Variants in P2RX3 observed in about 807,000 individuals in gnomAD.
P2RX3 encodes the protein P2X purinoceptor 3.
P2RX3 carries 41 observed loss-of-function variants against 51.5 expected under a neutral mutation model. The ratio of observed to expected loss-of-function variants is 0.80; its 90% CI spans 0.62 to 1.03. The LOEUF is 1.03. P2RX3 is among the 50% of genes least tolerant of loss of function. The probability of loss-of-function intolerance (pLI) is 0.00; values close to 1 mark genes in which losing one functional copy is unlikely to be tolerated. For missense variants in P2RX3, 459 were observed against 522.1 expected (o/e 0.88, Z 1.18); for synonymous variants, 185 against 191.6 (o/e 0.97, Z 0.29).
chr11:57,338,287 C>A, upstream of P2RX3: 1 of 290,178 alleles, frequency 3.4e-6, no homozygotes, highest in Non-Finnish European at 6.5e-6. Context: ...GACCCCACCC[C>A]TGCTGTGACA....
intron 4 of P2RX3, 42 bp downstream of exon 4, chr11:57,347,520 G>A: frequency 1.3e-6 from 2 of 1,544,958 alleles, no homozygotes; most frequent in South Asian, 1.2e-5. Context: ...CCAAGTGTTA[G>A]TGGGACCCAT....
At chr11:57,351,037 AAGGACTCTCTAACAGCCATT>A in intron 8 of P2RX3, 139 bp downstream of exon 8, 1 of 1,254,580 alleles carries the variant, frequency 8.0e-7, no homozygotes, top group Non-Finnish European at 1.1e-6. Context: ...TCAAATCAGG[AAGGACTCTCTAACAGCCATT>A]AGGATCTAGC....
At chr11:57,360,278 T>C (rs1166343258) in intron 8 of P2RX3, among the ~76,000 whole-genome samples, 2 of 152,212 alleles carry the variant, frequency 1.3e-5, no homozygotes, top group African/African-American at 4.8e-5. Flanking sequence ...TCTAACTGTG[T>C]TCTGCTGGGG....
chr11:57,342,263 G>A (rs1460996342), intron 1 of P2RX3, among the ~76,000 whole-genome samples: 1 of 146,548 alleles, frequency 6.8e-6, no homozygotes, highest in African/African-American at 2.5e-5. Context: ...GGGTTGAAGC[G>A]ACTCTCCTGC....
chr11:57,337,350 G>GAAAAAAAAAAAAAA (rs11339711), upstream of P2RX3, among the ~76,000 whole-genome samples: 11 of 73,488 alleles, frequency 1.5e-4, no homozygotes, highest in African/African-American at 4.1e-4. Flanking sequence ...AGGAAAGAAA[G>GAAAAAAAAAAAAAA]AAAAAAAAAA....
At chr11:57,358,826 C>T (rs1051493225) in intron 8 of P2RX3, among the ~76,000 whole-genome samples, 2 of 152,178 alleles carry the variant, frequency 1.3e-5, no homozygotes, top group South Asian at 2.1e-4. Flanking sequence ...TGGTAATTGA[C>T]GTTTGTACTT....
chr11:57,347,619 A>G, intron 4 of P2RX3, 141 bp downstream of exon 4: 1 of 931,744 alleles, frequency 1.1e-6, no homozygotes. Context: ...TGGGTGCCAC[A>G]CCCAGTGGGT....
chr11:57,360,799 AAAAAAAAG>A (rs1469003304), intron 8 of P2RX3, among the ~76,000 whole-genome samples: 1 of 151,066 alleles, frequency 6.6e-6, no homozygotes, highest in African/African-American at 2.4e-5. Context: ...CTGTCTCAAA[AAAAAAAAG>A]AAAAAAAGAA....
intron 8 of P2RX3, among the ~76,000 whole-genome samples, chr11:57,367,469 C>T (rs2134450008): frequency 6.6e-6 from 1 of 152,256 alleles, no homozygotes; most frequent in South Asian, 2.1e-4. Context: ...CCCTATAATC[C>T]CAGCACTTTT....
chr11:57,356,880 C>T (rs185160967), intron 8 of P2RX3, among the ~76,000 whole-genome samples: 240 of 152,246 alleles, frequency 1.6e-3, no homozygotes, highest in African/African-American at 5.5e-3. Context: ...TTAGATAGCC[C>T]TTTATCATGT....
At chr11:57,356,526 C>T (rs180943374) in intron 8 of P2RX3, among the ~76,000 whole-genome samples, 1 of 152,178 alleles carries the variant, frequency 6.6e-6, no homozygotes, top group Non-Finnish European at 1.5e-5. Context: ...TTCTAGTGAT[C>T]GTTTTATGTT....
At chr11:57,339,733 C>T (rs1203245072) in intron 1 of P2RX3, among the ~76,000 whole-genome samples, 1 of 152,224 alleles carries the variant, frequency 6.6e-6, no homozygotes, top group East Asian at 1.9e-4. Context: ...CAGCAATCCA[C>T]TGACTGTCAG....
intron 8 of P2RX3, among the ~76,000 whole-genome samples, chr11:57,365,563 A>G (rs201473923): frequency 1.3e-5 from 2 of 152,194 alleles, no homozygotes; most frequent in East Asian, 3.9e-4. Flanking sequence ...GCTGTGGAGG[A>G]GCAGACAGAA....
chr11:57,350,539 C>T, intron 7 of P2RX3: 1 of 528,988 alleles, frequency 1.9e-6, no homozygotes, highest in Non-Finnish European at 3.3e-6. Context: ...GCCTCGGCCT[C>T]CCAAAGTGCT....
chr11:57,363,688 AC>A (rs1856754533), intron 8 of P2RX3, among the ~76,000 whole-genome samples: 1 of 152,130 alleles, frequency 6.6e-6, no homozygotes, highest in African/African-American at 2.4e-5. Flanking sequence ...AGATAACCAG[AC>A]CCTGGTGACC....
rs887903365 is a variant in P2RX3, at chr11:57,349,983, G to GC, written c.705+87dup. The GC allele has an allele frequency of 2.6e-4, 403 of 1,547,666 alleles. 1 individual carries two copies. Among genetic ancestry groups the GC allele is most frequent in the Non-Finnish European group, 1.2e-4 (134 of 1,144,426 alleles). On this transcript the variant is annotated intron_variant, in intron 7 of 11. Coordinates refer to ENST00000263314, the MANE Select transcript of P2RX3 (RefSeq NM_002559.5). ...TTTCAGGGCCCTTTGGCCGGCACTG[G>GC]CCAGGAGCCGCCGCGAGACAGCGCC...
intron 8 of P2RX3, among the ~76,000 whole-genome samples, chr11:57,366,411 G>T (rs1227054530): frequency 6.6e-6 from 1 of 152,108 alleles, no homozygotes; most frequent in Non-Finnish European, 1.5e-5. Context: ...ATTTTCCTGA[G>T]TCCCCGGCAT....
intron 1 of P2RX3, chr11:57,340,653 G>A (rs1856321903): frequency 6.6e-6 from 1 of 152,332 alleles, no homozygotes; most frequent in Non-Finnish European, 1.5e-5. Context: ...GGGGCTTACA[G>A]CGGAAGGCAA....
At position 57,338,518 on chromosome 11, in the gene P2RX3, C is replaced by G. The variant is rs1217366236; in HGVS notation, c.-33C>G. 1 of 1,507,402 alleles carries G rather than the reference C, an allele frequency of 6.6e-7. No individual in the cohort carries two copies. The highest frequency in any genetic ancestry group is 1.2e-5 in the South Asian group (1 of 84,614). The allele number at this position is 1,507,402 out of a possible 1,614,324, so 93.4% of individuals were successfully genotyped here. ...CCTCTCCTGAGGCCACCACTGGGCC[C>G]CCTTCTGAGTGTCCCCTGAGCACTC... On this transcript the variant is annotated 5_prime_UTR_variant, in exon 1 of 12. Transcript: ENST00000263314.
Sources: gnomAD v4.1 joint callset for allele counts (sites outside exome capture counted in the v4.1 genomes callset) on GRCh38, gnomAD v4.1.1 for gene constraint, MANE v1.5 for transcripts, NCBI Gene and HGNC (gene_info 2026-07-23, HGNC 2026-07-21) for gene names.